APLF: variants seen among roughly 807,000 people sequenced by gnomAD.
APLF encodes aprataxin and PNKP like factor.
In APLF, 61 loss-of-function variants were observed where a neutral mutation model predicts 55.6. The observed-to-expected ratio is 1.10, with a 90% CI of 0.89 to 1.36. APLF has a LOEUF of 1.36. Ranked by LOEUF, APLF falls within the 40% of genes most tolerant of loss-of-function variation. The pLI is 0.00. For synonymous variants in APLF, 207 were observed against 214.8 expected, an observed-to-expected ratio of 0.96 and a Z score of 0.32; for missense variants, 611 against 602.5, an observed-to-expected ratio of 1.01 and a Z score of -0.15.
intron 1 of APLF, among the ~76,000 whole-genome samples, chr2:68,471,787 G>A (rs899103839): frequency 1.3e-5 from 2 of 152,132 alleles, no homozygotes; most frequent in African/African-American, 4.8e-5. Flanking sequence ...AATACCATGA[G>A]TCTGTTGATG....
intron 5 of APLF, among the ~76,000 whole-genome samples, chr2:68,523,637 A>C (rs895588922): frequency 1.2e-4 from 19 of 152,016 alleles, no homozygotes; most frequent in African/African-American, 4.3e-4. Context: ...TATATATATA[A>C]TTGAGCTATT....
chr2:68,476,965 ACT>A (rs1675798078), intron 1 of APLF, among the ~76,000 whole-genome samples: 1 of 152,072 alleles, frequency 6.6e-6, no homozygotes, highest in Non-Finnish European at 1.5e-5. Context: ...AACCTCACAA[ACT>A]CTATATTTAA....
chr2:68,491,570 G>A (rs1409725820), intron 2 of APLF, among the ~76,000 whole-genome samples: 2 of 152,074 alleles, frequency 1.3e-5, no homozygotes, highest in Admixed American at 1.3e-4. Flanking sequence ...AAGTTTTTTT[G>A]TTGTTACTAA....
chr2:68,574,938 A>G (rs1387676550), intron 9 of APLF, among the ~76,000 whole-genome samples: 1 of 152,222 alleles, frequency 6.6e-6, no homozygotes, highest in Non-Finnish European at 1.5e-5. Flanking sequence ...TGATATATTC[A>G]ACAAATATAT....
In APLF at chr2:68,578,786, G is replaced by A. The variant is rs772758798; in HGVS notation, c.*764G>A. ...GTCTTTATATTAAGAATAGAGAAAC[G>A]ACATAACTTTCTCAAATGGCATTAG... On this transcript the variant is annotated 3_prime_UTR_variant, in exon 10 of 10. Transcript: ENST00000303795. The A allele has an allele frequency of 9.5e-5, 94 of 984,844 alleles. No homozygotes were observed. The highest frequency in any genetic ancestry group is 1.0e-4 in the Non-Finnish European group (87 of 829,794). 61.0% of individuals were successfully genotyped at this position (984,844 alleles called of 1,614,324 possible). A position where few individuals can be genotyped will look rare whatever the true frequency, so the allele number is the denominator to read the frequency against.
Position 68,529,404 on chromosome 2 carries a change from G to C in APLF, c.804+3162G>C. Reference sequence around the variant, plus strand: ...TCACGGACAAGACGAGCAGGTTGCCGATGGCATGGCCAGGACCTGCGGCGG... The same window carrying C: ...TCACGGACAAGACGAGCAGGTTGCCCATGGCATGGCCAGGACCTGCGGCGG... On this transcript the variant is annotated intron_variant, in intron 6 of 9. Coordinates refer to ENST00000303795, the MANE Select transcript of APLF (RefSeq NM_173545.3). The surrounding 1 kb of genome is among the most constrained non-coding windows in gnomAD (Gnocchi z 4.4). 7.9e-7 allele frequency: 1 copy of C among 1,260,082 alleles called. No individual in the cohort carries two copies. Among genetic ancestry groups the C allele is most frequent in the South Asian group, 2.5e-5 (1 of 39,564 alleles). 78.1% of individuals were successfully genotyped at this position (1,260,082 alleles called of 1,614,324 possible). A position where few individuals can be genotyped will look rare whatever the true frequency, so the allele number is the denominator to read the frequency against.
Position 68,490,217 on chromosome 2 carries a change from C to T in APLF, c.124C>T (p.His42Tyr), listed in dbSNP as rs141971945. The change falls in exon 2 of 10, where the codon CAT becomes TAT. Residue 42 changes from histidine to tyrosine, a missense_variant. By Grantham distance (83) the His-to-Tyr change is moderately conservative (BLOSUM62 2). Coordinates refer to ENST00000303795, the MANE Select transcript of APLF (RefSeq NM_173545.3). ...GITDKRVSRR[H>Y]AILEVAGGQL... The stretch of plus-strand genomic sequence containing the variant: ...AACAGACAAGAGAGTATCCAGAAGA[C>T]ATGCCATTCTTGAGGTGGCAGGTGG... The T allele has an allele frequency of 2.2e-4, 355 of 1,611,986 alleles. 1 individual carries two copies. The African/African-American group carries it at 4.2e-3, about 19-fold the overall frequency.
chr2:68,555,506 A>C (rs764651954), intron 8 of APLF, among the ~76,000 whole-genome samples: 7 of 152,180 alleles, frequency 4.6e-5, no homozygotes, highest in Non-Finnish European at 7.3e-5. Context: ...TAAGGACATG[A>C]ATAGACAATT....
chr2:68,479,073 G>C (rs1201327171), intron 1 of APLF, among the ~76,000 whole-genome samples: 1 of 152,104 alleles, frequency 6.6e-6, no homozygotes, highest in Admixed American at 6.6e-5. Flanking sequence ...CCCATGAGTT[G>C]AGTAACGAAG....
chr2:68,537,586 T>G (rs767242764), intron 6 of APLF, among the ~76,000 whole-genome samples: 3 of 152,096 alleles, frequency 2.0e-5, no homozygotes, highest in Non-Finnish European at 2.9e-5. Flanking sequence ...GCCAGGCTGG[T>G]CTCAAACTCC....
At chr2:68,510,081 G>GT (rs370220588) in intron 3 of APLF, among the ~76,000 whole-genome samples, 7 of 126,790 alleles carry the variant, frequency 5.5e-5, no homozygotes, top group African/African-American at 2.1e-4. Context: ...AGTGGGGGGA[G>GT]GGGGGAGGGA....
chr2:68,528,528 A>G, intron 6 of APLF: 6 of 1,533,914 alleles, frequency 3.9e-6, no homozygotes, highest in Non-Finnish European at 3.5e-6. Flanking sequence ...CTGGGTGGAG[A>G]AGACCTACTT....
In APLF at chr2:68,522,915, A is replaced by C. The variant is rs532878795; in HGVS notation, c.623-3146A>C. 3.4e-4 allele frequency among the ~76,000 whole-genome samples: 51 copies of C among 152,082 alleles called. No individual in the cohort carries two copies. The South Asian group carries it at 0.01, about 30-fold the overall frequency. On this transcript the variant is annotated intron_variant, in intron 5 of 9. Transcript: ENST00000303795. The stretch of plus-strand genomic sequence containing the variant: ...AAGGCATTTGAAGAAAGTATGGGAA[A>C]AATATTTTGATTATGCCTGTACACT...
chr2:68,496,575 C>T (rs960032023), intron 2 of APLF, among the ~76,000 whole-genome samples: 3 of 152,206 alleles, frequency 2.0e-5, no homozygotes, highest in African/African-American at 7.2e-5. Flanking sequence ...AACTTTAAGT[C>T]ATTTCTTTGC....
intron 7 of APLF, among the ~76,000 whole-genome samples, chr2:68,540,482 T>A (rs1401760777): frequency 6.6e-6 from 1 of 152,220 alleles, no homozygotes; most frequent in Non-Finnish European, 1.5e-5. Context: ...CATTAGCATG[T>A]ATCTTTATGG....
At chr2:68,493,914 C>A (rs1356604411) in intron 2 of APLF, among the ~76,000 whole-genome samples, 1 of 151,966 alleles carries the variant, frequency 6.6e-6, no homozygotes, top group African/African-American at 2.4e-5. Flanking sequence ...GGAGACCATC[C>A]TGGCTAACAT....
intron 9 of APLF, among the ~76,000 whole-genome samples, chr2:68,574,571 C>T (rs894914659): frequency 3.9e-5 from 6 of 152,178 alleles, no homozygotes; most frequent in Non-Finnish European, 5.9e-5. Context: ...CTACTAGCCA[C>T]GTTGAATTCT....
Position 68,545,208 on chromosome 2 carries a change from A to G in APLF, c.1182A>G (p.Gln394=). 6.2e-7 allele frequency: 1 copy of G among 1,613,662 alleles called. No individual in the cohort carries two copies. The highest frequency in any genetic ancestry group is 1.7e-5 in the Admixed American group (1 of 59,960). Residue 394 remains glutamine, a synonymous_variant, in exon 8 of 10, where the codon CAA becomes CAG. Transcript: ENST00000303795. ...NCYRKNPVHF[Q]HFSHPGDSDY... is the part of the protein sequence containing the mutation. ...CTAGGAAGAATCCTGTTCATTTTCA[A>G]CATTTTAGCCATCCTGGTGATAGTG...
chr2:68,539,781 C>G (rs570111800), intron 7 of APLF, among the ~76,000 whole-genome samples: 4 of 152,202 alleles, frequency 2.6e-5, no homozygotes, highest in Admixed American at 2.6e-4. Context: ...CAGAAACCAA[C>G]AGCTAACTTC....
Sources: gnomAD v4.1 joint callset for allele counts (sites outside exome capture counted in the v4.1 genomes callset) on GRCh38, gnomAD v4.1.1 for gene constraint, Gnocchi (gnomAD v3.1) non-coding constraint, MANE v1.5 for transcripts, NCBI Gene and HGNC (gene_info 2026-07-23, HGNC 2026-07-21) for gene names.